Variants in BIVM observed in about 807,000 individuals in gnomAD.
The protein encoded by BIVM is basic immunoglobulin-like variable motif-containing protein.
BIVM carries 31 observed loss-of-function variants against 61.4 expected under a neutral mutation model. That is an observed-to-expected ratio of 0.51 (90% CI 0.38 to 0.68). BIVM has a LOEUF of 0.68. BIVM is among the 30% of genes least tolerant of loss of function. BIVM has a pLI of 0.00. For missense variants in BIVM, 526 were observed against 596.0 expected (o/e 0.88, Z 1.22); for synonymous variants, 189 against 210.7 (o/e 0.90, Z 0.89).
chr13:102,828,279 A>G (rs1001688695), intron 7 of BIVM, among the ~76,000 whole-genome samples: 2 of 152,236 alleles, frequency 1.3e-5, no homozygotes, highest in South Asian at 2.1e-4. Flanking sequence ...ATAACTTCCG[A>G]GTATGGGTTC....
chr13:102,812,082 T>C (rs1383563661), intron 3 of BIVM, among the ~76,000 whole-genome samples: 1 of 152,184 alleles, frequency 6.6e-6, no homozygotes, highest in Non-Finnish European at 1.5e-5. Context: ...ACCTTTTTTT[T>C]TCTGTTCCTC....
At chr13:102,829,319 T>A (rs142827362) in intron 7 of BIVM, among the ~76,000 whole-genome samples, 2 of 152,310 alleles carry the variant, frequency 1.3e-5, no homozygotes, top group African/African-American at 4.8e-5. Context: ...CTCTTCTCCA[T>A]GCAGCAGGCC....
At chr13:102,823,049 C>T (rs1318045724) in intron 7 of BIVM, among the ~76,000 whole-genome samples, 1 of 152,140 alleles carries the variant, frequency 6.6e-6, no homozygotes, top group Non-Finnish European at 1.5e-5. Flanking sequence ...AGGGCTGAGA[C>T]ATCAGGAGTT....
At position 102,822,115 on chromosome 13, in the gene BIVM, T is replaced by C; in HGVS notation, c.857T>C (p.Val286Ala). Residue 286 changes from valine (V) to alanine (A), a missense_variant, in exon 7 of 11, where the codon GTT becomes GCT. Coordinates refer to ENST00000257336, the MANE Select transcript of BIVM (RefSeq NM_017693.4). Reference sequence around the variant, plus strand: ...TTCCATGTAAAAGGATGCTCTTATGTTCTATATAAGCCTCATGGGAAGAAT... The same window carrying C: ...TTCCATGTAAAAGGATGCTCTTATGCTCTATATAAGCCTCATGGGAAGAAT... ...DHFHVKGCSYVLYKPHGKNKT... is the reference protein window; with the variant it reads ...DHFHVKGCSYALYKPHGKNKT... 1 of 1,614,032 alleles carries C rather than the reference T, an allele frequency of 6.2e-7. No homozygotes were observed. Among genetic ancestry groups the C allele is most frequent in the Non-Finnish European group, 8.5e-7 (1 of 1,180,004 alleles).
intron 8 of BIVM, among the ~76,000 whole-genome samples, chr13:102,832,351 C>G (rs1431992371): frequency 2.6e-5 from 4 of 152,060 alleles, no homozygotes; most frequent in Admixed American, 6.5e-5. Flanking sequence ...CCACCATGCC[C>G]AGCTCATAAA....
At chr13:102,830,958 G>A (rs1450401172) in intron 7 of BIVM, among the ~76,000 whole-genome samples, 5 of 152,236 alleles carry the variant, frequency 3.3e-5, no homozygotes, top group Admixed American at 6.5e-5. Context: ...CCAGGAAGCC[G>A]TTTTTACTTG....
At chr13:102,837,914 C>T (rs895074762) in intron 9 of BIVM, among the ~76,000 whole-genome samples, 2 of 151,998 alleles carry the variant, frequency 1.3e-5, no homozygotes, top group Non-Finnish European at 2.9e-5. Flanking sequence ...GTCTGGGAGG[C>T]GGGTGAGAGA....
chr13:102,825,174 T>G (rs985268613), intron 7 of BIVM, among the ~76,000 whole-genome samples: 1 of 152,204 alleles, frequency 6.6e-6, no homozygotes, highest in Admixed American at 6.5e-5. Flanking sequence ...CTCGATCTCC[T>G]GACCTTGTGA....
intron 9 of BIVM, among the ~76,000 whole-genome samples, chr13:102,838,025 C>A (rs1881603589): frequency 6.6e-6 from 1 of 152,026 alleles, no homozygotes; most frequent in South Asian, 2.1e-4. Flanking sequence ...AACCAAAACC[C>A]AGCTGTACCC....
intron 9 of BIVM, among the ~76,000 whole-genome samples, chr13:102,838,191 T>C (rs1836483262): frequency 6.6e-6 from 1 of 152,244 alleles, no homozygotes; most frequent in African/African-American, 2.4e-5. Context: ...GATTTTCCTA[T>C]GTAGACCTTG....
At chr13:102,803,319 G>A (rs867578087) in intron 1 of BIVM, among the ~76,000 whole-genome samples, 67 of 151,790 alleles carry the variant, frequency 4.4e-4, no homozygotes, top group Admixed American at 1.5e-3. Flanking sequence ...CCTGGCCAAC[G>A]TGGTGAAACC....
intron 3 of BIVM, among the ~76,000 whole-genome samples, chr13:102,809,047 T>C (rs1432299991): frequency 6.6e-6 from 1 of 152,204 alleles, no homozygotes; most frequent in Non-Finnish European, 1.5e-5. Flanking sequence ...CTGCTCTTTA[T>C]TATTTGCTTC....
At chr13:102,808,684 A>G (rs1161675888) in intron 3 of BIVM, among the ~76,000 whole-genome samples, 1 of 152,144 alleles carries the variant, frequency 6.6e-6, no homozygotes, top group Non-Finnish European at 1.5e-5. Context: ...TCTTCTAAGA[A>G]AAGTTGGGAA....
intron 1 of BIVM, among the ~76,000 whole-genome samples, 187 bp downstream of exon 1, chr13:102,799,708 G>A (rs1878614289): frequency 3.9e-5 from 6 of 152,218 alleles, no homozygotes; most frequent in Admixed American, 3.3e-4. Flanking sequence ...TCGCCTCTCC[G>A]AGCCCCGTGG....
chr13:102,837,182 G>C (rs532282552), intron 9 of BIVM, among the ~76,000 whole-genome samples: 14 of 152,186 alleles, frequency 9.2e-5, no homozygotes, highest in East Asian at 1.9e-4. Flanking sequence ...GGAGGCTGAG[G>C]GGGGAGGATC....
intron 4 of BIVM, 153 bp downstream of exon 4, chr13:102,816,707 C>G (rs962029126): frequency 2.6e-6 from 2 of 756,974 alleles, no homozygotes; most frequent in African/African-American, 1.8e-5. Flanking sequence ...AAAGTCACCA[C>G]AAATGTTTGA....
chr13:102,804,555 C>T (rs1414207523), intron 1 of BIVM, among the ~76,000 whole-genome samples: 1 of 152,218 alleles, frequency 6.6e-6, no homozygotes. Context: ...TCATGATCCA[C>T]CCGCCTCGGC....
chr13:102,831,895 A>G (rs947801926), intron 8 of BIVM, among the ~76,000 whole-genome samples, 198 bp downstream of exon 8: 2 of 116,200 alleles, frequency 1.7e-5, no homozygotes, highest in Admixed American at 8.8e-5. Flanking sequence ...AAAAAAAAAA[A>G]TTAGCCGGGC....
intron 8 of BIVM, among the ~76,000 whole-genome samples, chr13:102,833,218 A>G (rs897419533): frequency 2.0e-5 from 3 of 151,864 alleles, no homozygotes; most frequent in Admixed American, 6.6e-5. Context: ...TGGGCAACAG[A>G]GCGAGATCCT....
Sources: gnomAD v4.1 joint callset for allele counts (sites outside exome capture counted in the v4.1 genomes callset) on GRCh38, gnomAD v4.1.1 for gene constraint, MANE v1.5 for transcripts, NCBI Gene and HGNC (gene_info 2026-07-23, HGNC 2026-07-21) for gene names.